The following IQCM variants were observed in gnomAD, a reference collection of about 807,000 sequenced individuals.
IQCM encodes IQ motif containing M.
In IQCM, 45 loss-of-function variants were observed where a neutral mutation model predicts 57.6. That is an observed-to-expected ratio of 0.78 (90% CI 0.62 to 1.00). The LOEUF (loss-of-function observed/expected upper bound fraction) is 1.00, where lower values mean the gene tolerates loss of function less well. IQCM is among the 50% of genes least tolerant of loss of function. The pLI, the probability that IQCM is intolerant of heterozygous loss-of-function variation, is 0.00. For synonymous variants in IQCM, 148 were observed against 158.9 expected (o/e 0.93, Z 0.51); for missense variants, 468 against 511.6 (o/e 0.91, Z 0.82).
intron 12 of IQCM, among the ~76,000 whole-genome samples, chr4:149,543,085 T>A (rs1313405175): frequency 6.6e-6 from 1 of 152,122 alleles, no homozygotes; most frequent in African/African-American, 2.4e-5. Flanking sequence ...ATATTCTAAA[T>A]TACTAACACT....
chr4:149,715,369 G>T (rs1253177317), intron 5 of IQCM, among the ~76,000 whole-genome samples: 2 of 152,212 alleles, frequency 1.3e-5, no homozygotes, highest in Admixed American at 6.5e-5. Context: ...CTGCAAGGCT[G>T]CAGCTATACC....
chr4:149,516,609 A>C (rs983922498), intron 12 of IQCM, among the ~76,000 whole-genome samples: 3 of 152,174 alleles, frequency 2.0e-5, no homozygotes, highest in Non-Finnish European at 4.4e-5. Flanking sequence ...TTGGTGTTCA[A>C]TATATGGCAC....
intron 2 of IQCM, among the ~76,000 whole-genome samples, chr4:149,782,168 C>A (rs1343356956): frequency 6.6e-6 from 1 of 152,016 alleles, no homozygotes; most frequent in Non-Finnish European, 1.5e-5. Flanking sequence ...GAAAAATTTA[C>A]CCATTCTGCC....
intron 13 of IQCM, among the ~76,000 whole-genome samples, chr4:149,357,854 G>A (rs548090391): frequency 3.3e-5 from 5 of 152,254 alleles, no homozygotes; most frequent in African/African-American, 9.6e-5. Context: ...GGTAGAATTC[G>A]GCTGTGAATC....
chr4:149,424,236 T>C (rs1383818368), intron 13 of IQCM, among the ~76,000 whole-genome samples: 2 of 151,854 alleles, frequency 1.3e-5, no homozygotes, highest in Non-Finnish European at 2.9e-5. Context: ...AAATATGACA[T>C]AATAAAATGG....
chr4:149,563,980 G>C, intron 9 of IQCM, 90 bp from the exon 10 acceptor site: 1 of 543,678 alleles, frequency 1.8e-6, no homozygotes, highest in Non-Finnish European at 2.8e-6. Flanking sequence ...TGAATACATT[G>C]AAATAGGAAA....
chr4:149,622,360 G>C (rs1306316508), intron 7 of IQCM, among the ~76,000 whole-genome samples: 2 of 85,442 alleles, frequency 2.3e-5, no homozygotes, highest in African/African-American at 9.6e-5. Flanking sequence ...TTTTTTTTTT[G>C]GAGACGTAGT....
chr4:149,795,774 C>G (rs550850854), intron 2 of IQCM, among the ~76,000 whole-genome samples: 4 of 152,234 alleles, frequency 2.6e-5, no homozygotes, highest in Admixed American at 2.6e-4. Flanking sequence ...ACTGTGAGAC[C>G]CCCTTTCCAA....
At chr4:149,423,542 G>T (rs1466722855) in intron 13 of IQCM, among the ~76,000 whole-genome samples, 1 of 152,018 alleles carries the variant, frequency 6.6e-6, no homozygotes, top group African/African-American at 2.4e-5. Context: ...GTTCTCCAAA[G>T]ATGTTGACAG....
At chr4:149,382,010 C>T (rs1342721029) in intron 13 of IQCM, among the ~76,000 whole-genome samples, 2 of 152,156 alleles carry the variant, frequency 1.3e-5, no homozygotes, top group Admixed American at 1.3e-4. Context: ...TGTGATCCAC[C>T]TGCCTTAGCC....
intron 2 of IQCM, among the ~76,000 whole-genome samples, chr4:149,804,895 G>T (rs1580342396): frequency 6.6e-6 from 1 of 152,030 alleles, no homozygotes. Flanking sequence ...TCCCTTTCAA[G>T]AATAGCATCT....
chr4:149,429,806 C>T, intron 13 of IQCM: 1 of 383,432 alleles, frequency 2.6e-6, no homozygotes, highest in Non-Finnish European at 4.6e-6. Context: ...TCTTGTCAGT[C>T]AATTTAATAA....
chr4:149,723,184 T>C (rs978143280), intron 5 of IQCM, among the ~76,000 whole-genome samples: 7 of 152,040 alleles, frequency 4.6e-5, no homozygotes, highest in Non-Finnish European at 8.8e-5. Flanking sequence ...AGGAGTCTTT[T>C]GGAGGAGTCT....
chr4:149,731,246 T>C (rs1031729468), intron 5 of IQCM, among the ~76,000 whole-genome samples: 2 of 152,206 alleles, frequency 1.3e-5, no homozygotes, highest in African/African-American at 4.8e-5. Context: ...TAAAGGAAAT[T>C]AATGTCCTAA....
intron 5 of IQCM, among the ~76,000 whole-genome samples, chr4:149,696,747 G>C (rs760485527): frequency 1.3e-5 from 2 of 152,154 alleles, no homozygotes; most frequent in Non-Finnish European, 2.9e-5. Context: ...CATCAGGCTA[G>C]ATAGGTGCCA....
At chr4:149,534,300 T>C (rs963869701) in intron 12 of IQCM, among the ~76,000 whole-genome samples, 3 of 152,160 alleles carry the variant, frequency 2.0e-5, no homozygotes, top group Non-Finnish European at 4.4e-5. Context: ...GTGCCTTTTT[T>C]GATTAGTATT....
intron 8 of IQCM, among the ~76,000 whole-genome samples, chr4:149,605,087 A>G (rs1754657350): frequency 6.6e-6 from 1 of 152,212 alleles, no homozygotes; most frequent in East Asian, 1.9e-4. Context: ...ACTAATGTGT[A>G]TGGGCCTAGT....
At chr4:149,537,958 C>T (rs1747464663) in intron 12 of IQCM, among the ~76,000 whole-genome samples, 1 of 151,488 alleles carries the variant, frequency 6.6e-6, no homozygotes. Flanking sequence ...AAGAAAAAGA[C>T]ACCAGATGGT....
rs1750209408 is a variant in IQCM, at chr4:149,562,374, T to C, written c.948+1318A>G. The stretch of plus-strand genomic sequence containing the variant: ...TGTCATGAAAGTGGAACCAGTTGAA[T>C]ATGGGAGTGAAAAAGTTGAAAGAAT... On this transcript the variant is annotated intron_variant, in intron 10 of 13. Coordinates refer to ENST00000636793, the MANE Select transcript of IQCM (RefSeq NM_001363507.2). 2.0e-5 allele frequency among the ~76,000 whole-genome samples: 3 copies of C among 152,166 alleles called. No individual in the cohort carries two copies. In the South Asian group the frequency reaches 6.2e-4, roughly 31 times the overall value.
Sources: gnomAD v4.1 joint callset for allele counts (sites outside exome capture counted in the v4.1 genomes callset) on GRCh38, gnomAD v4.1.1 for gene constraint, MANE v1.5 for transcripts, NCBI Gene and HGNC (gene_info 2026-07-23, HGNC 2026-07-21) for gene names.